Variants in PGAP6 observed in about 807,000 individuals in gnomAD.
PGAP6 encodes the protein post-GPI attachment to proteins factor 6.
In PGAP6, 62 loss-of-function variants were observed where a neutral mutation model predicts 68.4. The ratio of observed to expected loss-of-function variants is 0.91; its 90% CI spans 0.74 to 1.12. The LOEUF (loss-of-function observed/expected upper bound fraction) is 1.12. Ranked by LOEUF, PGAP6 falls within the 50% of genes most tolerant of loss-of-function variation. PGAP6 has a pLI of 0.00. For synonymous variants in PGAP6, 575 were observed against 474.0 expected, an observed-to-expected ratio of 1.21 and a Z score of -2.77; for missense variants, 1,188 against 1,068.5, an observed-to-expected ratio of 1.11 and a Z score of -1.56.
At chr16:385,352 G>A (rs373715602), upstream of PGAP6, among the ~76,000 whole-genome samples, 12 of 123,290 alleles carry the variant, frequency 9.7e-5, no homozygotes, top group East Asian at 7.1e-4. Flanking sequence ...CCTCACTGTC[G>A]CCCAGGCTGG....
chr16:377,971 C>T (rs915641063), intron 1 of PGAP6, 123 bp from the exon 2 acceptor site: 102 of 829,826 alleles, frequency 1.2e-4, no homozygotes, highest in Non-Finnish European at 1.8e-4. Flanking sequence ...GATCTTGGCA[C>T]ACCAACTCTG....
rs753157471 is a variant in PGAP6, at chr16:375,244, C to T, written c.1328G>A (p.Gly443Asp). The T allele has an allele frequency of 8.1e-6, 13 of 1,613,136 alleles. No individual in the cohort carries two copies. Among genetic ancestry groups the T allele is most frequent in the Non-Finnish European group, 1.1e-5 (13 of 1,179,964 alleles). ...CCAGGCGCTCAGAGACAAAGGGTAG[C>T]CCTGGAAGAAGGCTGCAGGGGAGCC... ...SLNCTTAFFQ[G>D]YPLSLSAWSR... The change falls in exon 8 of 13, where the codon GGC (glycine) becomes GAC (aspartate). Residue 443 changes from glycine to aspartate, a missense_variant. Coordinates refer to ENST00000431232, the MANE Select transcript of PGAP6 (RefSeq NM_021259.3).
intron 4 of PGAP6, 100 bp from the exon 5 acceptor site, chr16:376,912 G>C: frequency 6.4e-7 from 1 of 1,558,848 alleles, no homozygotes; most frequent in Non-Finnish European, 8.6e-7. Flanking sequence ...TCTGGTGGGG[G>C]CCAGGCATCT....
chr16:376,653 G>A lies in PGAP6; in HGVS notation c.795C>T (p.Cys265=), dbSNP rs1264437384. Residue 265 remains cysteine, a synonymous_variant, in exon 5 of 13, where the codon TGC becomes TGT. Transcript: ENST00000431232. ...AGGGCGGTGAGGGCAGCAGCAGGCG[G>A]CAGGGCCAGGGGGCACCGGTGCAGG... The part of the protein sequence containing the change: ...VLTCTGAPWP[C]RLLLPSPPWD... 7 of 1,608,006 alleles carry A rather than the reference G, an allele frequency of 4.4e-6. No individual in the cohort carries two copies. Among genetic ancestry groups the A allele is most frequent in the Non-Finnish European group, 5.9e-6 (7 of 1,177,614 alleles).
At position 375,424 on chromosome 16, in the gene PGAP6, C is replaced by G; in HGVS notation, c.1236G>C (p.Arg412=). The G allele has an allele frequency of 6.2e-7, 1 of 1,612,358 alleles. No homozygotes were observed. The highest frequency in any genetic ancestry group is 1.8e-4 in the Middle Eastern group (1 of 5,678). ...ISLRANKTEM[R]NETVVVACVN... is the part of the protein sequence containing the mutation. ...CGCAGGCCACTACGACGGTCTCGTT[C>G]CGCATCTCTGTCTGGAAAGGGAGGC... The change falls in exon 7 of 13, where the codon CGG becomes CGC. Residue 412 remains arginine (R), a synonymous_variant. Coordinates refer to ENST00000431232, the MANE Select transcript of PGAP6 (RefSeq NM_021259.3).
chr16:378,422 A>T (rs4991328), intron 1 of PGAP6, among the ~76,000 whole-genome samples: 44 of 1,556 alleles, frequency 0.028, 1 homozygote, highest in East Asian at 0.052. Flanking sequence ...ATCGCCACCC[A>T]CACTGCCATC....
chr16:385,749 C>A (rs1016652968), upstream of PGAP6, among the ~76,000 whole-genome samples: 1 of 150,984 alleles, frequency 6.6e-6, no homozygotes, highest in Non-Finnish European at 1.5e-5. Context: ...CTCAGCCTCC[C>A]GAGTAGCTGG....
At chr16:378,773 A>G (rs1332002987) in intron 1 of PGAP6, among the ~76,000 whole-genome samples, 2 of 152,190 alleles carry the variant, frequency 1.3e-5, no homozygotes, top group African/African-American at 4.8e-5. Flanking sequence ...AGAGGGAGAT[A>G]CTGCATGTGG....
At chr16:382,094 G>GGT (rs1177768067), upstream of PGAP6, 73 of 359,408 alleles carry the variant, frequency 2.0e-4, 1 homozygote, top group African/African-American at 1.5e-3. Context: ...CGCCGGTAGG[G>GGT]GGGAGGGGTC....
Position 376,825 on chromosome 16 carries a change from G to A in PGAP6, c.636-13C>T, listed in dbSNP as rs755881605. 6.2e-7 allele frequency: 1 copy of A among 1,601,736 alleles called. No individual in the cohort carries two copies. The highest frequency in any genetic ancestry group is 1.1e-5 in the South Asian group (1 of 90,946). On this transcript the variant is annotated splice_polypyrimidine_tract_variant and intron_variant, in intron 4 of 12. Coordinates refer to ENST00000431232, the MANE Select transcript of PGAP6 (RefSeq NM_021259.3). ...GGGGACAAAGACCCTGCAGCGAGGG[G>A]ACACAGCTGGCTCAGGCTCTGCCAT...
At position 377,545 on chromosome 16, in the gene PGAP6, C is replaced by T; in HGVS notation, c.340G>A (p.Gly114Ser). 1 of 1,589,168 alleles carries T rather than the reference C, an allele frequency of 6.3e-7. No individual in the cohort carries two copies. Residue 114 changes from glycine to serine, a missense_variant, in exon 3 of 13, where the codon GGC becomes AGC. Transcript: ENST00000431232. Reference protein sequence around the residue: ...SGAPPVINPLGTSFPDDTAVQ... With the variant: ...SGAPPVINPLSTSFPDDTAVQ... ...GCGGTGTCGTCCGGGAAGCTGGTGC[C>T]CAGCGGGTTGATGACCGGAGGGGCG...
Position 381,725 on chromosome 16 carries a change from A to G in PGAP6, c.97T>C (p.Ser33Pro). The change falls in exon 1 of 13, where the codon TCC (serine) becomes CCC (proline). Residue 33 changes from serine to proline, a missense_variant. Coordinates refer to ENST00000431232, the MANE Select transcript of PGAP6 (RefSeq NM_021259.3). The part of the protein sequence containing the change: ...LLLLARPPPA[S>P]AGYSGKSEVG... ...CCGCTCTTCCCGCTGTAGCCGGCGG[A>G]GGCAGGCGGGGGCCGGGCAAGCAGC... 1 of 1,210,852 alleles carries G rather than the reference A, an allele frequency of 8.3e-7. No homozygotes were observed. The highest frequency in any genetic ancestry group is 3.6e-5 in the South Asian group (1 of 27,670). 75.0% of individuals were successfully genotyped at this position (1,210,852 alleles called of 1,614,324 possible).
At chr16:372,313 G>A (rs781141619) in intron 12 of PGAP6, 30 bp from the exon 13 acceptor site, 1 of 1,587,634 alleles carries the variant, frequency 6.3e-7, no homozygotes, top group South Asian at 1.1e-5. Flanking sequence ...AGGTATCAGT[G>A]CAGGTGGGGC....
chr16:380,424 T>C (rs945254363), intron 1 of PGAP6, among the ~76,000 whole-genome samples: 2 of 151,554 alleles, frequency 1.3e-5, no homozygotes, highest in African/African-American at 4.9e-5. Context: ...TGGAGTGCAA[T>C]GGAGCGACTT....
At chr16:384,713 G>A (rs754959487), upstream of PGAP6, among the ~76,000 whole-genome samples, 41 of 152,148 alleles carry the variant, frequency 2.7e-4, no homozygotes, top group Admixed American at 1.4e-3. Flanking sequence ...AAAGTTAGCC[G>A]GGCGTGGTGG....
chr16:380,962 C>G (rs113021870), intron 1 of PGAP6, among the ~76,000 whole-genome samples: 3 of 152,354 alleles, frequency 2.0e-5, no homozygotes, highest in African/African-American at 7.2e-5. Flanking sequence ...AAGTCCTCAC[C>G]ATCTCAGGGT....
At position 372,258 on chromosome 16, in the gene PGAP6, T is replaced by C. The variant is rs770025532; in HGVS notation, c.2045A>G (p.Gln682Arg). 3 of 1,611,064 alleles carry C rather than the reference T, an allele frequency of 1.9e-6. No homozygotes were observed. The South Asian group carries it at 3.3e-5, about 18-fold the overall frequency. Residue 682 changes from glutamine to arginine, a missense_variant, in exon 13 of 13, where the codon CAG becomes CGG. Coordinates refer to ENST00000431232, the MANE Select transcript of PGAP6 (RefSeq NM_021259.3). ...GCGCTGCCACGAGGTGGGGTAGCAC[T>C]GGCGCCGGTGCCCGCAGCGGTAAGC... is the stretch of plus-strand genomic sequence containing the variant. The part of the protein sequence containing the change: ...MWAYRCGHRR[Q>R]CYPTSWQRWA...
upstream of PGAP6, chr16:382,337 G>C (rs1223351692): frequency 7.7e-6 from 3 of 387,286 alleles, no homozygotes; most frequent in Non-Finnish European, 1.4e-5. Flanking sequence ...GGGAGCCCGC[G>C]GGGGGCAGAG....
rs1431750949 is a variant in PGAP6, at chr16:381,831, C to A, written c.-10G>T. ...TGCCAGCCCGGCCCATGGCTCCGCGCTCGGCCCGGCGCTACCCGGCCCGCG... is the reference window on the plus strand; with the variant it reads ...TGCCAGCCCGGCCCATGGCTCCGCGATCGGCCCGGCGCTACCCGGCCCGCG... On this transcript the variant is annotated 5_prime_UTR_variant, in exon 1 of 13. Transcript: ENST00000431232. The A allele has an allele frequency of 6.2e-5, 65 of 1,042,574 alleles. 1 individual carries two copies. In the South Asian group the frequency reaches 2.4e-3, roughly 38 times the overall value. 64.6% of individuals were successfully genotyped at this position (1,042,574 alleles called of 1,614,324 possible).
Sources: gnomAD v4.1 joint callset for allele counts (sites outside exome capture counted in the v4.1 genomes callset) on GRCh38, gnomAD v4.1.1 for gene constraint, MANE v1.5 for transcripts, NCBI Gene and HGNC (gene_info 2026-07-23, HGNC 2026-07-21) for gene names.